The following HSD17B12 variants were observed in gnomAD, a reference collection of about 807,000 sequenced individuals.
HSD17B12 encodes hydroxysteroid 17-beta dehydrogenase 12, also known as very-long-chain 3-oxoacyl-CoA reductase.
HSD17B12 carries 32 observed loss-of-function variants against 39.3 expected under a neutral mutation model. The ratio of observed to expected loss-of-function variants is 0.81; its 90% CI spans 0.61 to 1.09. The LOEUF (loss-of-function observed/expected upper bound fraction) is 1.09, where lower values mean the gene tolerates loss of function less well. Among genes scored for constraint, HSD17B12 ranks in the 50% least tolerant of loss-of-function variants. HSD17B12 has a pLI of 0.00. For synonymous variants in HSD17B12, 150 were observed against 146.7 expected (o/e 1.02, Z -0.16); for missense variants, 342 against 382.9 (o/e 0.89, Z 0.89).
chr11:43,614,969 C>T, the HSD17B12 span, among the ~76,000 whole-genome samples: 1 of 151,896 alleles, frequency 6.6e-6, no homozygotes, highest in East Asian at 1.9e-4. Flanking sequence ...CTTTTTCTCC[C>T]CTTGGTTATG....
In HSD17B12 at chr11:43,831,142, G is replaced by A. The variant is rs952028827; in HGVS notation, c.536+132G>A. On this transcript the variant is annotated intron_variant, in intron 7 of 10. Coordinates refer to ENST00000278353, the MANE Select transcript of HSD17B12 (RefSeq NM_016142.3). The surrounding 1 kb of genome is among the most constrained non-coding windows in gnomAD (Gnocchi z 4.1). ...CTCCATGTCTTAGCCACAGAGTGAT[G>A]TACCAGGCGAGTCACAGTAGAGCAT... 1.3e-6 allele frequency: 1 copy of A among 744,750 alleles called. No homozygotes were observed. Among genetic ancestry groups the A allele is most frequent in the Non-Finnish European group, 2.1e-6 (1 of 466,650 alleles). 46.1% of individuals were successfully genotyped at this position (744,750 alleles called of 1,614,324 possible). A position where few individuals can be genotyped will look rare whatever the true frequency, so the allele number is the denominator to read the frequency against.
At chr11:43,702,439 C>T (rs998868034) in intron 1 of HSD17B12, among the ~76,000 whole-genome samples, 5 of 152,154 alleles carry the variant, frequency 3.3e-5, no homozygotes, top group African/African-American at 7.2e-5. Flanking sequence ...AGTTTTTCCC[C>T]GTTCTGTATG....
the HSD17B12 span, among the ~76,000 whole-genome samples, chr11:43,603,509 T>C: frequency 2.0e-5 from 3 of 152,202 alleles, no homozygotes; most frequent in African/African-American, 7.2e-5. Context: ...TCATTCTAAG[T>C]AGAAGAACTG....
At chr11:43,690,378 A>T (rs1949844168) in intron 1 of HSD17B12, among the ~76,000 whole-genome samples, 1 of 7,374 alleles carries the variant, frequency 1.4e-4, no homozygotes, top group Non-Finnish European at 2.6e-4. Flanking sequence ...ATATATATAT[A>T]TATATATATA....
chr11:43,813,364 G>A (rs1033717564), intron 4 of HSD17B12, among the ~76,000 whole-genome samples: 1 of 151,932 alleles, frequency 6.6e-6, no homozygotes, highest in East Asian at 1.9e-4. Flanking sequence ...TTGAAATATA[G>A]CATTAATATT....
the HSD17B12 span, among the ~76,000 whole-genome samples, chr11:43,660,100 G>A: frequency 1.3e-5 from 2 of 152,096 alleles, no homozygotes; most frequent in African/African-American, 2.4e-5. Context: ...CCGTGCTAGT[G>A]GAGTGTTATC....
chr11:43,725,181 C>T (rs1339458429), intron 1 of HSD17B12, among the ~76,000 whole-genome samples: 1 of 152,192 alleles, frequency 6.6e-6, no homozygotes, highest in Non-Finnish European at 1.5e-5. Flanking sequence ...CAGAAATTTG[C>T]ATTTATAGTT....
chr11:43,658,424 G>A, the HSD17B12 span, among the ~76,000 whole-genome samples: 42 of 152,154 alleles, frequency 2.8e-4, no homozygotes, highest in Middle Eastern at 0.01. Context: ...TCTTTGTTCC[G>A]TTTGCTGGTG....
chr11:43,849,819 A>G (rs1951514315), intron 9 of HSD17B12, among the ~76,000 whole-genome samples: 2 of 152,224 alleles, frequency 1.3e-5, no homozygotes, highest in Non-Finnish European at 1.5e-5. Flanking sequence ...TTTATTCACA[A>G]TGAATTTTAT....
intron 1 of HSD17B12, among the ~76,000 whole-genome samples, chr11:43,747,192 G>C (rs1950419914): frequency 6.6e-6 from 1 of 152,202 alleles, no homozygotes; most frequent in African/African-American, 2.4e-5. Context: ...CACCTACCTT[G>C]TGCATGTTGC....
intron 3 of HSD17B12, among the ~76,000 whole-genome samples, chr11:43,796,085 T>C (rs1383223658): frequency 6.6e-6 from 1 of 152,178 alleles, no homozygotes; most frequent in East Asian, 1.9e-4. Context: ...AAACAACTGC[T>C]AGGATCCCCT....
intron 7 of HSD17B12, among the ~76,000 whole-genome samples, chr11:43,834,554 C>T (rs1044466088): frequency 1.3e-5 from 2 of 152,106 alleles, no homozygotes; most frequent in Non-Finnish European, 2.9e-5. Context: ...TCAAAGGAGA[C>T]CTATTACGTC....
chr11:43,583,148 T>G, the HSD17B12 span, among the ~76,000 whole-genome samples: 1 of 152,168 alleles, frequency 6.6e-6, no homozygotes, highest in Non-Finnish European at 1.5e-5. Context: ...CTTCACCAGA[T>G]TTGGGAGAGA....
chr11:43,783,326 A>C (rs1465615468), intron 3 of HSD17B12, among the ~76,000 whole-genome samples: 1 of 152,092 alleles, frequency 6.6e-6, no homozygotes, highest in Non-Finnish European at 1.5e-5. Flanking sequence ...GTACATACTA[A>C]GGCAGCATTC....
the HSD17B12 span, among the ~76,000 whole-genome samples, chr11:43,575,820 C>T: frequency 6.6e-6 from 1 of 152,230 alleles, no homozygotes; most frequent in African/African-American, 2.4e-5. The surrounding 1 kb of genome is among the most constrained non-coding windows in gnomAD (Gnocchi z 4.1). Context: ...CCAGCCCCCT[C>T]GTAGTGAATT....
At chr11:43,791,390 G>A (rs1426451835) in intron 3 of HSD17B12, among the ~76,000 whole-genome samples, 1 of 152,044 alleles carries the variant, frequency 6.6e-6, no homozygotes, top group African/African-American at 2.4e-5. Flanking sequence ...AACTTAGCTG[G>A]GTGTGGTGGT....
chr11:43,738,825 GA>G (rs1950339150), intron 1 of HSD17B12, among the ~76,000 whole-genome samples: 1 of 152,140 alleles, frequency 6.6e-6, no homozygotes, highest in Non-Finnish European at 1.5e-5. Flanking sequence ...TAGATAGTAG[GA>G]AAGAGAGTTT....
chr11:43,798,596 T>C (rs991630679), intron 4 of HSD17B12, among the ~76,000 whole-genome samples, 169 bp downstream of exon 4: 1 of 152,180 alleles, frequency 6.6e-6, no homozygotes, highest in African/African-American at 2.4e-5. Context: ...TTTGAATCTG[T>C]GTTTTTAGTT....
chr11:43,760,919 T>C (rs780789894), intron 3 of HSD17B12, among the ~76,000 whole-genome samples: 2 of 152,220 alleles, frequency 1.3e-5, no homozygotes, highest in African/African-American at 2.4e-5. Flanking sequence ...AGTTTATATG[T>C]TACAGGGCCA....
Sources: gnomAD v4.1 joint callset for allele counts (sites outside exome capture counted in the v4.1 genomes callset) on GRCh38, gnomAD v4.1.1 for gene constraint, Gnocchi (gnomAD v3.1) non-coding constraint, MANE v1.5 for transcripts, NCBI Gene and HGNC (gene_info 2026-07-23, HGNC 2026-07-21) for gene names.